MEF2C: variants seen among roughly 807,000 people sequenced by gnomAD.
MEF2C encodes the protein myocyte enhancer factor 2C.
A neutral mutation model predicts 50.5 loss-of-function variants in MEF2C; 6 were observed. That is an observed-to-expected ratio of 0.12 (90% CI 0.07 to 0.23). The LOEUF (loss-of-function observed/expected upper bound fraction) is 0.23, where lower values mean the gene tolerates loss of function less well. Ranked by LOEUF, MEF2C falls within the 10% of genes least tolerant of loss-of-function variation. The probability of loss-of-function intolerance (pLI) is 1.00; values close to 1 mark genes in which losing one functional copy is unlikely to be tolerated. For missense variants in MEF2C, 276 were observed against 605.0 expected (o/e 0.46, Z 5.70); for synonymous variants, 183 against 228.0 (o/e 0.80, Z 1.78).
Position 88,766,836 on chromosome 5 carries a change from G to GA in MEF2C, c.259-5509dup, listed in dbSNP as rs1386333071. 7 of 984,588 alleles carry GA rather than the reference G, an allele frequency of 7.1e-6. No homozygotes were observed. The Admixed American group carries it at 1.9e-4, about 26-fold the overall frequency. The allele number at this position is 984,588 out of a possible 1,614,324, so 61.0% of individuals were successfully genotyped here. ...AATGTCATGTTCACACAAAAACCAA[G>GA]AAAAAAAAGCATCAACTTAGAAAAG... On this transcript the variant is annotated intron_variant, in intron 3 of 10. Transcript: ENST00000504921.
At chr5:88,801,048 A>G (rs1798115645) in intron 3 of MEF2C, among the ~76,000 whole-genome samples, 3 of 152,244 alleles carry the variant, frequency 2.0e-5, no homozygotes, top group South Asian at 2.1e-4. Flanking sequence ...AATCTTTTTC[A>G]ACACCCACGC....
intron 3 of MEF2C, among the ~76,000 whole-genome samples, chr5:88,779,365 G>A (rs1047506892): frequency 6.6e-6 from 1 of 152,094 alleles, no homozygotes; most frequent in Non-Finnish European, 1.5e-5. Flanking sequence ...AGTCTATACC[G>A]AGATGAATGA....
chr5:88,827,722 A>C (rs1480536655), intron 1 of MEF2C, among the ~76,000 whole-genome samples: 1 of 151,970 alleles, frequency 6.6e-6, no homozygotes, highest in Non-Finnish European at 1.5e-5. Flanking sequence ...CAGGCCTTAC[A>C]AAAGTCATCG....
chr5:88,785,167 C>G (rs1329472136), intron 3 of MEF2C, among the ~76,000 whole-genome samples: 3 of 151,904 alleles, frequency 2.0e-5, no homozygotes, highest in Non-Finnish European at 4.4e-5. Flanking sequence ...CTCGTATAAC[C>G]CTATGAACTG....
At chr5:88,770,112 T>G in intron 3 of MEF2C, 1 of 514,030 alleles carries the variant, frequency 1.9e-6, no homozygotes, top group Non-Finnish European at 2.5e-6. Context: ...AGGAAAGGAG[T>G]AAATTAATAT....
chr5:88,811,650 T>C (rs1431376252), intron 2 of MEF2C, among the ~76,000 whole-genome samples: 1 of 152,086 alleles, frequency 6.6e-6, no homozygotes, highest in Non-Finnish European at 1.5e-5. Flanking sequence ...CTAATTTCCA[T>C]ATTTCAAGAA....
At chr5:88,788,326 G>A (rs951325920) in intron 3 of MEF2C, among the ~76,000 whole-genome samples, 4 of 151,706 alleles carry the variant, frequency 2.6e-5, no homozygotes, top group African/African-American at 7.3e-5. Flanking sequence ...TCATCCTCCC[G>A]AGTAGCTGGG....
At chr5:88,856,721 C>G (rs542464136) in intron 1 of MEF2C, among the ~76,000 whole-genome samples, 1 of 152,228 alleles carries the variant, frequency 6.6e-6, no homozygotes, top group Non-Finnish European at 1.5e-5. Context: ...GCGGCTTACA[C>G]GTGGTGTTGG....
chr5:88,751,547 C>A (rs965361325), intron 5 of MEF2C: 2 of 984,638 alleles, frequency 2.0e-6, no homozygotes, highest in Non-Finnish European at 2.4e-6. Context: ...GCAGGGAGGA[C>A]GAGCAGAAGT....
At chr5:88,758,215 C>A (rs1776247826) in intron 4 of MEF2C, among the ~76,000 whole-genome samples, 1 of 152,196 alleles carries the variant, frequency 6.6e-6, no homozygotes, top group African/African-American at 2.4e-5. Context: ...CTTCACAGCC[C>A]ATTATTTTGA....
chr5:88,756,366 G>C (rs1775313513), intron 4 of MEF2C, among the ~76,000 whole-genome samples: 1 of 151,968 alleles, frequency 6.6e-6, no homozygotes, highest in Non-Finnish European at 1.5e-5. Flanking sequence ...ATGTCCATGT[G>C]TACCCATTGT....
At chr5:88,855,840 G>C (rs765271729) in intron 1 of MEF2C, among the ~76,000 whole-genome samples, 1 of 152,152 alleles carries the variant, frequency 6.6e-6, no homozygotes, top group Non-Finnish European at 1.5e-5. Flanking sequence ...CCCAGTCTCA[G>C]GTATTTCTTC....
chr5:88,774,831 G>C (rs1324066361), intron 3 of MEF2C, among the ~76,000 whole-genome samples: 1 of 152,206 alleles, frequency 6.6e-6, no homozygotes, highest in Admixed American at 6.5e-5. Context: ...TTCTGAGGCA[G>C]TTTCTCAAGG....
chr5:88,845,935 A>C (rs1329766964), intron 1 of MEF2C, among the ~76,000 whole-genome samples: 1 of 152,098 alleles, frequency 6.6e-6, no homozygotes, highest in East Asian at 1.9e-4. Flanking sequence ...ACATAATAAA[A>C]GATTTTTCTT....
intron 2 of MEF2C, chr5:88,819,352 A>G (rs1053613019): frequency 2.0e-6 from 2 of 985,200 alleles, no homozygotes; most frequent in Non-Finnish European, 2.4e-6. Flanking sequence ...TAACTGTACA[A>G]TCTTGAGCCA....
At chr5:88,854,740 G>A (rs949105309) in intron 1 of MEF2C, among the ~76,000 whole-genome samples, 1 of 152,136 alleles carries the variant, frequency 6.6e-6, no homozygotes, top group Admixed American at 6.5e-5. Context: ...AACTTGGGTT[G>A]AGAATAATGT....
At chr5:88,729,527 A>G (rs1194281918) in intron 8 of MEF2C, 180 bp from the exon 9 acceptor site, 2 of 602,476 alleles carry the variant, frequency 3.3e-6, no homozygotes, top group Non-Finnish European at 5.7e-6. Flanking sequence ...TCAAGAGACC[A>G]GCTGTTGCCA....
chr5:88,784,492 T>C (rs140546644), intron 3 of MEF2C, among the ~76,000 whole-genome samples: 166 of 152,318 alleles, frequency 1.1e-3, no homozygotes, highest in African/African-American at 3.9e-3. Context: ...TGTTACAGAA[T>C]CTATTATATG....
chr5:88,820,173 T>C (rs1208237458), intron 2 of MEF2C, among the ~76,000 whole-genome samples: 1 of 151,972 alleles, frequency 6.6e-6, no homozygotes, highest in Non-Finnish European at 1.5e-5. Context: ...CATAATGTTA[T>C]TTTTACATAC....
Sources: allele counts gnomAD v4.1 joint callset (sites outside exome capture counted in the v4.1 genomes callset), GRCh38; gene constraint gnomAD v4.1.1; transcripts MANE v1.5; gene names NCBI Gene and HGNC (gene_info 2026-07-23, HGNC 2026-07-21).